Variants in BICRAL observed in about 807,000 individuals in gnomAD.
BICRAL encodes the protein BRD4-interacting chromatin-remodeling complex-associated protein-like.
A neutral mutation model predicts 91.8 loss-of-function variants in BICRAL; 8 were observed. That is an observed-to-expected ratio of 0.09 (90% CI 0.05 to 0.16). The LOEUF (loss-of-function observed/expected upper bound fraction) is 0.16, where lower values mean the gene tolerates loss of function less well. Ranked by LOEUF, BICRAL falls within the 10% of genes least tolerant of loss-of-function variation. The probability of loss-of-function intolerance (pLI) is 1.00; values close to 1 mark genes in which losing one functional copy is unlikely to be tolerated. For synonymous variants in BICRAL, 445 were observed against 491.1 expected (o/e 0.91, Z 1.24); for missense variants, 1,038 against 1,310.9 (o/e 0.79, Z 3.21).
rs535192372 is a variant in BICRAL at position 42,828,768 on chromosome 6, A to C, written c.435A>C (p.Ser145=). The change falls in exon 6 of 13, where the codon TCA becomes TCC. Residue 145 remains serine (S), a synonymous_variant. Coordinates refer to ENST00000314073, the MANE Select transcript of BICRAL (RefSeq NM_001393499.1). The part of the protein sequence containing the change: ...QFAQAQLHPS[S]SASFTQASNV... The stretch of plus-strand genomic sequence containing the variant: ...CACAAGCTCAGCTTCATCCTTCTTC[A>C]TCAGCATCCTTTACTCAGGCTTCTA... 1.9e-6 allele frequency: 3 copies of C among 1,614,202 alleles called. No individual in the cohort carries two copies. In the South Asian group the frequency reaches 3.3e-5, roughly 18 times the overall value.
At chr6:42,853,135 C>T (rs1226216360) in intron 7 of BICRAL, among the ~76,000 whole-genome samples, 2 of 150,998 alleles carry the variant, frequency 1.3e-5, no homozygotes, top group Admixed American at 6.6e-5. Flanking sequence ...ATGTTGCTCT[C>T]TACATGCATG....
chr6:42,807,921 A>C (rs755149091), intron 1 of BICRAL, among the ~76,000 whole-genome samples: 1 of 152,126 alleles, frequency 6.6e-6, no homozygotes, highest in Non-Finnish European at 1.5e-5. Flanking sequence ...GAAATTGTAA[A>C]TTTGTAGGAT....
In BICRAL at chr6:42,828,561, G is replaced by A. The variant is rs771471827; in HGVS notation, c.228G>A (p.Leu76=). The change falls in exon 6 of 13, where the codon CTG becomes CTA. Residue 76 remains leucine, a synonymous_variant. Transcript: ENST00000314073. ...NQLGEGPSDG[L]PLSSSLQFLE... is the part of the protein sequence containing the mutation. ...TTGGAGAAGGGCCCAGTGATGGACT[G>A]CCACTTTCAAGTAGCCTCCAGTTTC... 16 of 1,613,946 alleles carry A rather than the reference G, an allele frequency of 9.9e-6. No homozygotes were observed. The highest frequency in any genetic ancestry group is 1.3e-5 in the Non-Finnish European group (15 of 1,179,898).
intron 6 of BICRAL, 129 bp downstream of exon 6, chr6:42,830,301 C>A (rs1764437146): frequency 1.1e-6 from 1 of 927,348 alleles, no homozygotes; most frequent in African/African-American, 1.7e-5. Flanking sequence ...TGTAGTGGCT[C>A]ATGCCTGTAA....
chr6:42,766,470 C>T (rs1762634998), intron 1 of BICRAL, among the ~76,000 whole-genome samples: 1 of 152,212 alleles, frequency 6.6e-6, no homozygotes, highest in Non-Finnish European at 1.5e-5. Flanking sequence ...GGGGAATCCA[C>T]TCCCATGCCA....
At chr6:42,849,824 G>A (rs190799789) in intron 6 of BICRAL, among the ~76,000 whole-genome samples, 91 of 152,136 alleles carry the variant, frequency 6.0e-4, no homozygotes, top group Non-Finnish European at 1.1e-3. Flanking sequence ...GGCCAAGGCA[G>A]GTGGATCACT....
intron 1 of BICRAL, among the ~76,000 whole-genome samples, chr6:42,753,575 A>G (rs1400179929): frequency 1.3e-5 from 2 of 152,158 alleles, no homozygotes; most frequent in Non-Finnish European, 2.9e-5. Flanking sequence ...AGTTATAGAT[A>G]GGAGGAGGGA....
At chr6:42,814,499 G>GTGTGTGTGTGTATATATATGTA (rs374054837) in intron 2 of BICRAL, among the ~76,000 whole-genome samples, 4 of 61,268 alleles carry the variant, frequency 6.5e-5, no homozygotes, top group African/African-American at 2.4e-4. Flanking sequence ...GTGTGTGTGT[G>GTGTGTGTGTGTATATATATGTA]TATATATATA....
intron 6 of BICRAL, among the ~76,000 whole-genome samples, chr6:42,832,482 A>G (rs536332029): frequency 6.7e-6 from 1 of 149,268 alleles, no homozygotes; most frequent in East Asian, 1.9e-4. Flanking sequence ...TATACCTTTG[A>G]CTTACTAATT....
At chr6:42,835,139 T>C (rs1044345417) in intron 6 of BICRAL, among the ~76,000 whole-genome samples, 1 of 151,854 alleles carries the variant, frequency 6.6e-6, no homozygotes, top group Non-Finnish European at 1.5e-5. Flanking sequence ...CTTTTTTCTT[T>C]TTTTTTTGAG....
At chr6:42,833,641 T>C (rs1300055799) in intron 6 of BICRAL, among the ~76,000 whole-genome samples, 1 of 151,568 alleles carries the variant, frequency 6.6e-6, no homozygotes, top group Non-Finnish European at 1.5e-5. Context: ...ACAGACAGGG[T>C]TTCTCCGTGT....
rs1426535390 is a variant in BICRAL at position 42,860,224 on chromosome 6, C to A, written c.2255-38C>A. ...AACAGAAGACCTAGTCAGTGATTTA[C>A]AGTCTCTCACTATTTCTTTGTCTCT... On this transcript the variant is annotated intron_variant, in intron 10 of 12. Transcript: ENST00000314073. 2.7e-6 allele frequency: 3 copies of A among 1,129,856 alleles called. No individual in the cohort carries two copies. The East Asian group carries it at 7.1e-5, about 27-fold the overall frequency. 70.0% of individuals were successfully genotyped at this position (1,129,856 alleles called of 1,614,324 possible).
At chr6:42,790,132 G>A (rs1237198811) in intron 1 of BICRAL, among the ~76,000 whole-genome samples, 1 of 152,024 alleles carries the variant, frequency 6.6e-6, no homozygotes, top group Non-Finnish European at 1.5e-5. Context: ...TTACAGAACA[G>A]GGAAGGAGAG....
At chr6:42,792,805 C>G (rs1341067831) in intron 1 of BICRAL, among the ~76,000 whole-genome samples, 1 of 151,814 alleles carries the variant, frequency 6.6e-6, no homozygotes, top group Non-Finnish European at 1.5e-5. Context: ...CCCAGCTATT[C>G]TGGAGGCTGA....
intron 6 of BICRAL, among the ~76,000 whole-genome samples, chr6:42,832,794 T>A (rs1385423646): frequency 6.6e-6 from 1 of 152,052 alleles, no homozygotes; most frequent in Non-Finnish European, 1.5e-5. Flanking sequence ...CTGATGCTTA[T>A]GCCTCTTGAC....
At chr6:42,795,909 G>A (rs1411125203) in intron 1 of BICRAL, among the ~76,000 whole-genome samples, 1 of 152,114 alleles carries the variant, frequency 6.6e-6, no homozygotes, top group Non-Finnish European at 1.5e-5. Context: ...CATTTGGAGG[G>A]CACAGGAACA....
intron 5 of BICRAL, among the ~76,000 whole-genome samples, chr6:42,823,687 G>T (rs1764207266): frequency 6.6e-6 from 1 of 152,064 alleles, no homozygotes; most frequent in South Asian, 2.1e-4. Context: ...ACTTTGGGAG[G>T]CCGAGGCAGG....
chr6:42,747,441 G>T (rs1234764012), intron 1 of BICRAL, among the ~76,000 whole-genome samples: 1 of 152,214 alleles, frequency 6.6e-6, no homozygotes, highest in Non-Finnish European at 1.5e-5. Context: ...GCATTTTGAT[G>T]CAGAGAAAGA....
At chr6:42,851,062 G>A (rs1364193181) in intron 6 of BICRAL, among the ~76,000 whole-genome samples, 1 of 150,540 alleles carries the variant, frequency 6.6e-6, no homozygotes, top group African/African-American at 2.5e-5. Flanking sequence ...GCATGCACCT[G>A]TAATCCCAGC....
Sources: gnomAD v4.1 joint callset for allele counts (sites outside exome capture counted in the v4.1 genomes callset) on GRCh38, gnomAD v4.1.1 for gene constraint, MANE v1.5 for transcripts, NCBI Gene and HGNC (gene_info 2026-07-23, HGNC 2026-07-21) for gene names.